PSEN1: variants seen among roughly 807,000 people sequenced by gnomAD.
The protein encoded by PSEN1 is presenilin-1.
Under a neutral mutation model 53.5 loss-of-function variants are expected in PSEN1, and 15 were observed. The ratio of observed to expected loss-of-function variants is 0.28; its 90% CI spans 0.19 to 0.43. The LOEUF is 0.43. PSEN1 is among the 20% of genes least tolerant of loss of function. The pLI is 1.00. For missense variants in PSEN1, 387 were observed against 571.2 expected (o/e 0.68, Z 3.29); for synonymous variants, 208 against 209.8 (o/e 0.99, Z 0.08).
At chr14:73,186,758 C>T (rs1898528957) in intron 5 of PSEN1, 95 bp from the exon 6 acceptor site, 2 of 1,034,554 alleles carry the variant, frequency 1.9e-6, no homozygotes, top group Non-Finnish European at 3.0e-6. Flanking sequence ...GTCTGGGCGA[C>T]AAAGTGAGAC....
intron 3 of PSEN1, among the ~76,000 whole-genome samples, chr14:73,151,728 T>C (rs1391653872): frequency 3.3e-5 from 5 of 151,078 alleles, no homozygotes. Flanking sequence ...CCACCACACC[T>C]GGCTAATTTC....
intron 3 of PSEN1, among the ~76,000 whole-genome samples, chr14:73,161,740 C>G (rs1470739194): frequency 6.6e-6 from 1 of 152,252 alleles, no homozygotes; most frequent in East Asian, 1.9e-4. Flanking sequence ...CATGGCTGAC[C>G]TCAGTTCTCT....
At chr14:73,198,607 C>T (rs1012482252) in intron 8 of PSEN1, among the ~76,000 whole-genome samples, 1 of 151,950 alleles carries the variant, frequency 6.6e-6, no homozygotes, top group Non-Finnish European at 1.5e-5. Flanking sequence ...GATGATATTG[C>T]CATGATCTAG....
At chr14:73,147,147 G>A (rs1368460058) in intron 1 of PSEN1, among the ~76,000 whole-genome samples, 7 of 151,394 alleles carry the variant, frequency 4.6e-5, no homozygotes, top group South Asian at 4.2e-4. Flanking sequence ...CACCACACCC[G>A]GCTAATTTTT....
intron 8 of PSEN1, among the ~76,000 whole-genome samples, chr14:73,199,482 T>C (rs1009042496): frequency 5.9e-5 from 9 of 152,240 alleles, no homozygotes; most frequent in Non-Finnish European, 1.0e-4. Flanking sequence ...CATAGTGTTC[T>C]CTTACGTAGA....
intron 3 of PSEN1, chr14:73,169,494 ATC>A (rs1897823097): frequency 6.6e-6 from 1 of 152,310 alleles, no homozygotes; most frequent in Non-Finnish European, 1.5e-5. Flanking sequence ...GCCTGGTTAT[ATC>A]TCTAACTAAA....
intron 3 of PSEN1, 67 bp from the exon 4 acceptor site, chr14:73,170,730 G>T: frequency 6.4e-7 from 1 of 1,565,704 alleles, no homozygotes; most frequent in Non-Finnish European, 8.8e-7. Flanking sequence ...GTTAATCCCA[G>T]GTCTAACCGT....
chr14:73,155,196 A>G (rs1897320622), intron 3 of PSEN1, among the ~76,000 whole-genome samples: 1 of 152,194 alleles, frequency 6.6e-6, no homozygotes, highest in African/African-American at 2.4e-5. Flanking sequence ...TTAGTAGTGT[A>G]AAGGTACTAG....
At chr14:73,170,330 T>G (rs1897849023) in intron 3 of PSEN1, among the ~76,000 whole-genome samples, 1 of 152,190 alleles carries the variant, frequency 6.6e-6, no homozygotes, top group Admixed American at 6.5e-5. Context: ...TTGGCCTTAT[T>G]TTACCCAGCC....
chr14:73,136,751 G>C (rs979469668), intron 1 of PSEN1, 168 bp downstream of exon 1: 7 of 152,338 alleles, frequency 4.6e-5, no homozygotes, highest in African/African-American at 1.7e-4. Flanking sequence ...GAAACCAGGA[G>C]GGGCGGCCCG....
At chr14:73,204,554 G>A (rs1594749080) in intron 8 of PSEN1, among the ~76,000 whole-genome samples, 1 of 149,642 alleles carries the variant, frequency 6.7e-6, no homozygotes, top group African/African-American at 2.5e-5. Context: ...GAACAAGGAA[G>A]AATATGTGAC....
rs63750323 is a variant in PSEN1, at chr14:73,217,129, G to C, written c.1133G>C (p.Gly378Ala). Residue 378 changes from glycine to alanine, a missense_variant, in exon 11 of 12, where the codon GGA (glycine) becomes GCA (alanine). Transcript: ENST00000324501. ...ILAGEDPEER[G>A]VKLGLGDFIF... ...ATTTGTAACCTTTCCTTTTTAGGGG[G>C]AGTAAAACTTGGATTGGGAGATTTC... 6 of 1,614,098 alleles carry C rather than the reference G, an allele frequency of 3.7e-6. No homozygotes were observed. Among genetic ancestry groups the C allele is most frequent in the Non-Finnish European group, 5.1e-6 (6 of 1,179,954 alleles).
At chr14:73,145,880 G>A (rs145551368) in intron 1 of PSEN1, among the ~76,000 whole-genome samples, 2,439 of 152,108 alleles carry the variant, frequency 0.016, 49 homozygotes, top group East Asian at 0.049. Context: ...GCTGAGGTGG[G>A]TGGATCACTT....
chr14:73,217,244 T>C lies in PSEN1; in HGVS notation c.1248T>C (p.Ile416=). 1 of 1,614,116 alleles carries C rather than the reference T, an allele frequency of 6.2e-7. No homozygotes were observed. The highest frequency in any genetic ancestry group is 8.5e-7 in the Non-Finnish European group (1 of 1,179,960). Reference sequence around the variant, plus strand: ...TAGCCTGTTTCGTAGCCATATTAATTGTAAGTATACACTAATAAGAATGTG... The same window carrying C: ...TAGCCTGTTTCGTAGCCATATTAATCGTAAGTATACACTAATAAGAATGTG... ...TTIACFVAIL[I]GLCLTLLLLA... Residue 416 remains isoleucine (I), a splice_region_variant and synonymous_variant, in exon 11 of 12, where the codon ATT becomes ATC. Coordinates refer to ENST00000324501, the MANE Select transcript of PSEN1 (RefSeq NM_000021.4).
rs747281728 is a variant in PSEN1 at position 73,170,830 on chromosome 14, A to ACCTT, written c.121_122insCCTT (p.Arg41ThrfsTer9). On this transcript the variant is annotated frameshift_variant, in exon 4 of 12. Transcript: ENST00000324501. LOFTEE classifies it high-confidence loss of function. ...TAGAGAACGGCAGGAGCACAACGAC[A>ACCTT]GACGGAGCCTTGGCCACCCTGAGCC... is the stretch of plus-strand genomic sequence containing the variant. 4.3e-5 allele frequency: 69 copies of ACCTT among 1,614,222 alleles called. No individual in the cohort carries two copies. Among genetic ancestry groups the ACCTT allele is most frequent in the Non-Finnish European group, 5.3e-5 (62 of 1,180,014 alleles).
chr14:73,168,280 G>T, intron 3 of PSEN1: 1 of 152,194 alleles, frequency 6.6e-6, no homozygotes, highest in Non-Finnish European at 1.5e-5. Context: ...GCTTGAACCT[G>T]GGCGGCGGAG....
chr14:73,194,296 C>T (rs1052809749), intron 7 of PSEN1, among the ~76,000 whole-genome samples: 3 of 151,716 alleles, frequency 2.0e-5, no homozygotes, highest in Admixed American at 1.3e-4. Context: ...CTGTCATCCA[C>T]GCTAGAGTAC....
intron 1 of PSEN1, among the ~76,000 whole-genome samples, chr14:73,145,539 A>G (rs895073712): frequency 2.0e-5 from 3 of 151,116 alleles, no homozygotes; most frequent in East Asian, 2.0e-4. Context: ...GGGTTTCACC[A>G]TGTTGGCCAG....
rs1594762140 is a variant in PSEN1 at position 73,222,620 on chromosome 14, G to A, written c.*3331G>A. On this transcript the variant is annotated 3_prime_UTR_variant, in exon 12 of 12. Coordinates refer to ENST00000324501, the MANE Select transcript of PSEN1 (RefSeq NM_000021.4). Reference sequence around the variant, plus strand: ...GTTTTCTGTGTTCCCGTAGGTTCTGGAGTCTGAGGATGCAAAGATGAATAA... The same window carrying A: ...GTTTTCTGTGTTCCCGTAGGTTCTGAAGTCTGAGGATGCAAAGATGAATAA... The A allele has an allele frequency of 6.6e-6, 1 of 152,324 alleles. No individual in the cohort carries two copies. Among genetic ancestry groups the A allele is most frequent in the East Asian group, 1.9e-4 (1 of 5,192 alleles). 9.4% of individuals were successfully genotyped at this position (152,324 alleles called of 1,614,324 possible). A position where few individuals can be genotyped will look rare whatever the true frequency, so the allele number is the denominator to read the frequency against.
Sources: gnomAD v4.1 joint callset for allele counts (sites outside exome capture counted in the v4.1 genomes callset) on GRCh38, gnomAD v4.1.1 for gene constraint, MANE v1.5 for transcripts, NCBI Gene and HGNC (gene_info 2026-07-23, HGNC 2026-07-21) for gene names.